The following TTC39B variants were observed in gnomAD, a reference collection of about 807,000 sequenced individuals.
The protein encoded by TTC39B is tetratricopeptide repeat domain 39B.
A neutral mutation model predicts 96.6 loss-of-function variants in TTC39B; 92 were observed. The ratio of observed to expected loss-of-function variants is 0.95; its 90% confidence interval spans 0.80 to 1.13. The LOEUF (loss-of-function observed/expected upper bound fraction) is 1.13. Among genes scored for constraint, TTC39B ranks in the 50% most tolerant of loss-of-function variants. The pLI is 0.00. For missense variants in TTC39B, 955 were observed against 809.3 expected, an observed-to-expected ratio of 1.18 and a Z score of -2.18; for synonymous variants, 367 against 299.4, an observed-to-expected ratio of 1.23 and a Z score of -2.33.
intron 1 of TTC39B, among the ~76,000 whole-genome samples, chr9:15,285,616 A>G (rs1823940742): frequency 6.6e-6 from 1 of 152,168 alleles, no homozygotes; most frequent in South Asian, 2.1e-4. Flanking sequence ...GCACTTCGGG[A>G]GGCCGAGGCG....
chr9:15,166,982 T>TA (rs1817529336), exon 20 of TTC39B: 2 of 20,276 alleles, frequency 9.9e-5, no homozygotes, highest in African/African-American at 3.7e-4. Flanking sequence ...AACCTTTATT[T>TA]TATATATATA....
At chr9:15,200,110 T>C (rs939297448) in intron 7 of TTC39B, among the ~76,000 whole-genome samples, 185 bp from the exon 8 acceptor site, 1 of 152,216 alleles carries the variant, frequency 6.6e-6, no homozygotes, top group African/African-American at 2.4e-5. Context: ...GTAATTTTTC[T>C]TCCACATTAG....
chr9:15,212,296 C>A (rs1432864256), intron 4 of TTC39B, among the ~76,000 whole-genome samples: 6 of 150,940 alleles, frequency 4.0e-5, no homozygotes, highest in Non-Finnish European at 8.8e-5. Flanking sequence ...TTCAAAAGAA[C>A]CACAAGGAAT....
chr9:15,298,669 G>C (rs1000353765), intron 1 of TTC39B, among the ~76,000 whole-genome samples: 1 of 152,108 alleles, frequency 6.6e-6, no homozygotes, highest in Non-Finnish European at 1.5e-5. Flanking sequence ...TGTGAGCTAT[G>C]ACTCAAGATG....
chr9:15,208,695 C>T (rs1398665154), intron 6 of TTC39B, among the ~76,000 whole-genome samples: 1 of 152,168 alleles, frequency 6.6e-6, no homozygotes, highest in Non-Finnish European at 1.5e-5. Flanking sequence ...TGGGTTTCAG[C>T]TGCCTAGAAT....
At chr9:15,243,379 A>T (rs558678635) in intron 2 of TTC39B, among the ~76,000 whole-genome samples, 2 of 152,344 alleles carry the variant, frequency 1.3e-5, no homozygotes, top group South Asian at 4.1e-4. Flanking sequence ...GTAAAGGAGA[A>T]CAGTTGAAAA....
At chr9:15,280,306 A>G (rs547584701) in intron 1 of TTC39B, among the ~76,000 whole-genome samples, 24 of 152,326 alleles carry the variant, frequency 1.6e-4, no homozygotes, top group African/African-American at 5.5e-4. Flanking sequence ...CTGAGATCAC[A>G]GAGTCCTCAA....
intron 19 of TTC39B, among the ~76,000 whole-genome samples, chr9:15,174,575 C>A (rs1011008951): frequency 3.3e-5 from 5 of 152,160 alleles, no homozygotes; most frequent in African/African-American, 9.7e-5. Context: ...TGGCTGAATA[C>A]AATGAAGGTT....
intron 1 of TTC39B, among the ~76,000 whole-genome samples, chr9:15,276,199 G>C (rs1823535997): frequency 6.6e-6 from 1 of 152,220 alleles, no homozygotes; most frequent in Admixed American, 6.5e-5. Flanking sequence ...TTGAAGAAAG[G>C]AGTGGGTTAA....
At chr9:15,211,268 T>C in exon 5 of TTC39B, 1 of 1,539,588 alleles carries the variant, frequency 6.5e-7, no homozygotes, top group Non-Finnish European at 8.7e-7. Flanking sequence ...CGTCATACTT[T>C]TGGCAGGTTT....
In TTC39B at chr9:15,198,262, G is replaced by T. The variant is rs539375247; in HGVS notation, c.824+1599C>A. 9.2e-3 allele frequency among the ~76,000 whole-genome samples: 1,401 copies of T among 151,928 alleles called. 27 individuals carry two copies. Among genetic ancestry groups the T allele is most frequent in the African/African-American group, 0.032 (1,317 of 41,326 alleles). Reference sequence around the variant, plus strand: ...TCACGAGGTCAGGAGTTCGAGACCAGCCCGGTCAATATGGTGAAACCCCGT... The same window carrying T: ...TCACGAGGTCAGGAGTTCGAGACCATCCCGGTCAATATGGTGAAACCCCGT... On this transcript the variant is annotated intron_variant, in intron 8 of 19. Transcript: ENST00000512701.
chr9:15,222,276 T>TA (rs2131390855), intron 3 of TTC39B, among the ~76,000 whole-genome samples: 1 of 152,354 alleles, frequency 6.6e-6, no homozygotes, highest in East Asian at 1.9e-4. Flanking sequence ...ATTCTTTTTT[T>TA]AAATTGTGGT....
intron 1 of TTC39B, among the ~76,000 whole-genome samples, chr9:15,279,852 G>T (rs1247862892): frequency 6.7e-6 from 1 of 149,692 alleles, no homozygotes; most frequent in South Asian, 2.1e-4. Flanking sequence ...TCCACCTGCT[G>T]CCTTTTCTTT....
exon 20 of TTC39B, chr9:15,168,417 T>TAAAAAAAAAAAA (rs1477821690): frequency 4.5e-5 from 1 of 22,356 alleles, no homozygotes; most frequent in Non-Finnish European, 8.9e-5. Flanking sequence ...AGAGTATAAA[T>TAAAAAAAAAAAA]ACAAAAAAAA....
intron 2 of TTC39B, among the ~76,000 whole-genome samples, chr9:15,231,791 T>A (rs1020023600): frequency 4.6e-5 from 7 of 152,222 alleles, no homozygotes; most frequent in Admixed American, 2.0e-4. Flanking sequence ...TGAATAAAAA[T>A]ATGTCCTTCA....
At chr9:15,200,782 C>A (rs1013436757) in intron 7 of TTC39B, among the ~76,000 whole-genome samples, 1 of 152,206 alleles carries the variant, frequency 6.6e-6, no homozygotes, top group Non-Finnish European at 1.5e-5. Flanking sequence ...GGGTGGATCA[C>A]CAGGTTAGGA....
intron 1 of TTC39B, among the ~76,000 whole-genome samples, chr9:15,288,749 T>C (rs1430947157): frequency 6.6e-6 from 1 of 152,212 alleles, no homozygotes; most frequent in African/African-American, 2.4e-5. Flanking sequence ...ACATGCCACT[T>C]GGGCTTTGGG....
intron 2 of TTC39B, among the ~76,000 whole-genome samples, chr9:15,255,928 G>A (rs1822734375): frequency 6.6e-6 from 1 of 152,068 alleles, no homozygotes. Flanking sequence ...GAACTCAATG[G>A]TGGCTACATT....
At chr9:15,185,064 A>AAT (rs1818446198) in intron 16 of TTC39B, among the ~76,000 whole-genome samples, 1 of 152,224 alleles carries the variant, frequency 6.6e-6, no homozygotes, top group African/African-American at 2.4e-5. Context: ...CGTTTTTAGT[A>AAT]GCCTTTATCG....
Sources: gnomAD v4.1 joint callset for allele counts (sites outside exome capture counted in the v4.1 genomes callset) on GRCh38, gnomAD v4.1.1 for gene constraint, MANE v1.5 for transcripts, NCBI Gene and HGNC (gene_info 2026-07-23, HGNC 2026-07-21) for gene names.